Variants in ZNF385D observed in about 807,000 individuals in gnomAD.
ZNF385D encodes the protein zinc finger protein 659.
In ZNF385D, 15 loss-of-function variants were observed where a neutral mutation model predicts 35.8. That is an observed-to-expected ratio of 0.42 (90% CI 0.28 to 0.64). The LOEUF is 0.64. Among genes scored for constraint, ZNF385D ranks in the 30% least tolerant of loss-of-function variants. ZNF385D has a pLI of 0.23. For synonymous variants in ZNF385D, 212 were observed against 186.8 expected, an observed-to-expected ratio of 1.13 and a Z score of -1.10; for missense variants, 474 against 494.6, an observed-to-expected ratio of 0.96 and a Z score of 0.39.
At chr3:22,259,452 G>A (rs1178776232) in intron 2 of ZNF385D, among the ~76,000 whole-genome samples, 1 of 151,808 alleles carries the variant, frequency 6.6e-6, no homozygotes, top group African/African-American at 2.4e-5. Context: ...GTTCTTTCAA[G>A]TAGAATTGAC....
At chr3:21,678,940 G>T (rs1456223693) in intron 1 of ZNF385D, among the ~76,000 whole-genome samples, 1 of 151,928 alleles carries the variant, frequency 6.6e-6, no homozygotes, top group Non-Finnish European at 1.5e-5. Flanking sequence ...TAAAAATTTT[G>T]TAAATTTATG....
chr3:21,798,014 G>C (rs552685063), intron 3 of ZNF385D, among the ~76,000 whole-genome samples: 4 of 152,176 alleles, frequency 2.6e-5, no homozygotes, highest in African/African-American at 9.7e-5. Flanking sequence ...TAGTGCTGTA[G>C]TGTAAACTAT....
intron 4 of ZNF385D, among the ~76,000 whole-genome samples, chr3:21,488,979 G>A (rs925848329): frequency 1.3e-5 from 2 of 152,116 alleles, no homozygotes; most frequent in Admixed American, 6.6e-5. Flanking sequence ...AGCAGGTAAC[G>A]AGCACATTTG....
intron 2 of ZNF385D, among the ~76,000 whole-genome samples, chr3:22,176,990 T>G (rs1306214967): frequency 6.6e-6 from 1 of 152,198 alleles, no homozygotes; most frequent in African/African-American, 2.4e-5. Flanking sequence ...ATATTACTAT[T>G]ATTACATTTT....
intron 3 of ZNF385D, among the ~76,000 whole-genome samples, chr3:21,862,862 C>G (rs1697133563): frequency 6.6e-6 from 1 of 152,158 alleles, no homozygotes; most frequent in Non-Finnish European, 1.5e-5. Flanking sequence ...GAACTGTTAG[C>G]TCAGTTACAA....
intron 3 of ZNF385D, among the ~76,000 whole-genome samples, chr3:21,793,907 G>T (rs1239858678): frequency 6.6e-6 from 1 of 152,158 alleles, no homozygotes; most frequent in Admixed American, 6.5e-5. Context: ...CTGCAAAACT[G>T]TCAAATGATG....
At chr3:21,590,845 G>C (rs1177642704) in intron 2 of ZNF385D, among the ~76,000 whole-genome samples, 2 of 151,968 alleles carry the variant, frequency 1.3e-5, no homozygotes, top group Non-Finnish European at 2.9e-5. Flanking sequence ...TATTAAATAT[G>C]TATACAGCAT....
intron 3 of ZNF385D, among the ~76,000 whole-genome samples, chr3:21,918,496 T>A (rs1481569069): frequency 6.6e-6 from 1 of 152,162 alleles, no homozygotes. Context: ...TTTGGGTGGT[T>A]CACCTGAATG....
intron 4 of ZNF385D, among the ~76,000 whole-genome samples, chr3:21,460,530 A>T (rs573640204): frequency 1.6e-4 from 23 of 145,768 alleles, no homozygotes; most frequent in African/African-American, 5.6e-4. Flanking sequence ...TTAAAAAATT[A>T]TTATATTGCA....
intron 3 of ZNF385D, among the ~76,000 whole-genome samples, chr3:22,010,270 T>A (rs1696490770): frequency 6.6e-6 from 1 of 152,230 alleles, no homozygotes; most frequent in Admixed American, 6.5e-5. Context: ...TACTTGTTGC[T>A]ATAAACACCG....
chr3:21,861,997 C>T (rs1426948244), intron 3 of ZNF385D, among the ~76,000 whole-genome samples: 1 of 152,068 alleles, frequency 6.6e-6, no homozygotes, highest in African/African-American at 2.4e-5. Context: ...AGCCCTAACA[C>T]TAACGCTCTA....
At chr3:22,291,781 A>C (rs2125398585) in intron 2 of ZNF385D, among the ~76,000 whole-genome samples, 1 of 152,172 alleles carries the variant, frequency 6.6e-6, no homozygotes, top group East Asian at 1.9e-4. Context: ...AACAAGTTTT[A>C]CATTCTTAGG....
chr3:22,005,681 C>A (rs1696158244), intron 3 of ZNF385D, among the ~76,000 whole-genome samples: 2 of 151,978 alleles, frequency 1.3e-5, no homozygotes, highest in Admixed American at 1.3e-4. Flanking sequence ...CCTCATTATA[C>A]CCACTTGAGG....
At chr3:22,340,411 C>CAAG (rs1399756783) in intron 2 of ZNF385D, among the ~76,000 whole-genome samples, 1 of 152,132 alleles carries the variant, frequency 6.6e-6, no homozygotes, top group Non-Finnish European at 1.5e-5. Context: ...TTTCTGAGGC[C>CAAG]AAGGCAGGTG....
chr3:21,732,069 T>TGA (rs2069040409), intron 1 of ZNF385D, among the ~76,000 whole-genome samples: 1 of 124,572 alleles, frequency 8.0e-6, no homozygotes, highest in Non-Finnish European at 1.7e-5. Context: ...TTTTTTTTTT[T>TGA]GAGAACGGAG....
chr3:22,094,208 A>T (rs1038922022), intron 3 of ZNF385D, among the ~76,000 whole-genome samples: 2 of 147,902 alleles, frequency 1.4e-5, no homozygotes, highest in African/African-American at 5.0e-5. Flanking sequence ...GGTTGTTCAT[A>T]TTGCATTGTC....
At chr3:21,834,055 C>T (rs938766473) in intron 3 of ZNF385D, among the ~76,000 whole-genome samples, 1 of 151,716 alleles carries the variant, frequency 6.6e-6, no homozygotes, top group Non-Finnish European at 1.5e-5. Context: ...TATATGTGAC[C>T]TTTGATAGTT....
intron 1 of ZNF385D, among the ~76,000 whole-genome samples, chr3:21,750,145 G>T (rs944942620): frequency 2.0e-5 from 3 of 152,238 alleles, no homozygotes; most frequent in Non-Finnish European, 2.9e-5. Flanking sequence ...TGTACTAGCA[G>T]TAAGTTGCGG....
chr3:21,521,357 A>G (rs79343755), intron 3 of ZNF385D, among the ~76,000 whole-genome samples: 1,755 of 152,300 alleles, frequency 0.012, 29 homozygotes, highest in African/African-American at 0.04. Context: ...TTCATTCACA[A>G]AGAACTTATT....
Sources: gnomAD v4.1 joint callset for allele counts (sites outside exome capture counted in the v4.1 genomes callset) on GRCh38, gnomAD v4.1.1 for gene constraint, MANE v1.5 for transcripts, NCBI Gene and HGNC (gene_info 2026-07-23, HGNC 2026-07-21) for gene names.